SPAG16: variants seen among roughly 807,000 people sequenced by gnomAD.
The protein encoded by SPAG16 is sperm-associated antigen 16 protein.
SPAG16 carries 86 observed loss-of-function variants against 80.4 expected under a neutral mutation model. The observed-to-expected ratio is 1.07, with a 90% CI of 0.90 to 1.28. The LOEUF is 1.28. Among genes scored for constraint, SPAG16 ranks in the 50% most tolerant of loss-of-function variants. The probability of loss-of-function intolerance (pLI) is 0.00; values close to 1 mark genes in which losing one functional copy is unlikely to be tolerated. For synonymous variants in SPAG16, 294 were observed against 265.9 expected (o/e 1.11, Z -1.03); for missense variants, 870 against 765.3 (o/e 1.14, Z -1.61).
At position 214,251,361 on chromosome 2, in the gene SPAG16, A is replaced by G. The variant is rs145553121; in HGVS notation, c.1720+102095A>G. 8.1e-4 allele frequency among the ~76,000 whole-genome samples: 123 copies of G among 152,200 alleles called. 2 individuals are homozygous for G. In the Middle Eastern group the frequency reaches 0.01, roughly 13 times the overall value. ...AAAGTAATAATAATAGGCAAAAGAT[A>G]AAGACTAGAAGAACTGAGGGTTTGC... On this transcript the variant is annotated intron_variant, in intron 15 of 15. Coordinates refer to ENST00000331683, the MANE Select transcript of SPAG16 (RefSeq NM_024532.5).
Position 213,836,676 on chromosome 2 carries a change from G to A in SPAG16, c.1071-25809G>A, listed in dbSNP as rs188099459. On this transcript the variant is annotated intron_variant, in intron 10 of 15. Coordinates refer to ENST00000331683, the MANE Select transcript of SPAG16 (RefSeq NM_024532.5). The stretch of plus-strand genomic sequence containing the variant: ...TGCCCAGGCTGGAGTGCAACGATGA[G>A]ATCTTGGCTCCTGCAACCTCTGCCT... 4.6e-5 allele frequency among the ~76,000 whole-genome samples: 7 copies of A among 151,742 alleles called. No individual in the cohort carries two copies. The East Asian group carries it at 1.2e-3, about 25-fold the overall frequency.
At chr2:214,350,134 G>A (rs1231477977) in intron 15 of SPAG16, among the ~76,000 whole-genome samples, 1 of 152,262 alleles carries the variant, frequency 6.6e-6, no homozygotes, top group South Asian at 2.1e-4. Flanking sequence ...ATATCAGCAG[G>A]TTGACCATAA....
chr2:213,811,807 C>A (rs752695633), intron 10 of SPAG16, among the ~76,000 whole-genome samples: 15 of 152,010 alleles, frequency 9.9e-5, no homozygotes, highest in Non-Finnish European at 2.1e-4. Flanking sequence ...GATAAGATTG[C>A]TGAGACAGAT....
At chr2:213,783,463 T>C (rs2070146925) in intron 10 of SPAG16, among the ~76,000 whole-genome samples, 2 of 142,276 alleles carry the variant, frequency 1.4e-5, no homozygotes, top group African/African-American at 2.6e-5. Flanking sequence ...AACACATTGT[T>C]TTACACAATT....
chr2:213,990,117 A>G (rs2046205464), intron 12 of SPAG16, among the ~76,000 whole-genome samples: 2 of 152,096 alleles, frequency 1.3e-5, no homozygotes, highest in South Asian at 4.1e-4. Flanking sequence ...ACATTTCTAC[A>G]TCTTTATTTG....
chr2:214,238,041 G>C, intron 15 of SPAG16: 1 of 258,756 alleles, frequency 3.9e-6, no homozygotes, highest in South Asian at 3.7e-5. Flanking sequence ...TTATGCTGCA[G>C]AAATTTATTT....
At chr2:213,424,286 G>A (rs951211078) in intron 9 of SPAG16, among the ~76,000 whole-genome samples, 1 of 152,158 alleles carries the variant, frequency 6.6e-6, no homozygotes, top group Non-Finnish European at 1.5e-5. Flanking sequence ...ATTGTTATTA[G>A]AAGGATTAGA....
chr2:213,537,732 G>GT (rs1242486815), intron 10 of SPAG16, among the ~76,000 whole-genome samples: 1 of 152,064 alleles, frequency 6.6e-6, no homozygotes, highest in South Asian at 2.1e-4. Flanking sequence ...TTGTGCTTGT[G>GT]TTTTTTCTGC....
intron 15 of SPAG16, among the ~76,000 whole-genome samples, chr2:214,233,371 G>C (rs1688844296): frequency 6.6e-6 from 1 of 151,694 alleles, no homozygotes; most frequent in South Asian, 2.1e-4. Flanking sequence ...TGATGATGAT[G>C]ATGATGATGA....
intron 9 of SPAG16, among the ~76,000 whole-genome samples, chr2:213,439,674 TG>T (rs1408473009): frequency 6.6e-6 from 1 of 152,240 alleles, no homozygotes; most frequent in Non-Finnish European, 1.5e-5. Flanking sequence ...GAAGTCTGCA[TG>T]GTTTTGAAAA....
Position 213,983,201 on chromosome 2 carries a change from T to C in SPAG16, c.1401-30750T>C, listed in dbSNP as rs140567315. 9.9e-5 allele frequency among the ~76,000 whole-genome samples: 15 copies of C among 152,138 alleles called. No homozygotes were observed. The East Asian group carries it at 2.9e-3, about 29-fold the overall frequency. ...TGCAGTACCCTGTTTTACAAATATA[T>C]GATTGATAACATTATTTGGAAATGC... is the stretch of plus-strand genomic sequence containing the variant. On this transcript the variant is annotated intron_variant, in intron 12 of 15. Transcript: ENST00000331683.
intron 14 of SPAG16, among the ~76,000 whole-genome samples, chr2:214,115,784 AG>A (rs2053901310): frequency 6.7e-6 from 1 of 148,838 alleles, no homozygotes. Context: ...AGGCTGAGGC[AG>A]GGGAATTGCT....
intron 15 of SPAG16, among the ~76,000 whole-genome samples, chr2:214,360,347 C>T (rs1452752467): frequency 6.6e-6 from 1 of 151,830 alleles, no homozygotes; most frequent in Non-Finnish European, 1.5e-5. Flanking sequence ...TAGCTATACT[C>T]AGTCTGGGTG....
intron 13 of SPAG16, among the ~76,000 whole-genome samples, chr2:214,086,063 C>A (rs1448901558): frequency 6.6e-6 from 1 of 152,122 alleles, no homozygotes; most frequent in Admixed American, 6.6e-5. Context: ...TTTCTTTATG[C>A]TTTCATGAAA....
intron 10 of SPAG16, among the ~76,000 whole-genome samples, chr2:213,736,625 A>T (rs1315356749): frequency 6.6e-6 from 1 of 152,128 alleles, no homozygotes; most frequent in Non-Finnish European, 1.5e-5. Context: ...AAAAATAGAG[A>T]TCTTAATACC....
chr2:213,595,149 T>C (rs949045861), intron 10 of SPAG16, among the ~76,000 whole-genome samples: 1 of 152,050 alleles, frequency 6.6e-6, no homozygotes, highest in African/African-American at 2.4e-5. Context: ...AGAAGCATGA[T>C]ATAATTTAAC....
At chr2:214,362,443 T>C (rs1311092009) in intron 15 of SPAG16, among the ~76,000 whole-genome samples, 1 of 151,934 alleles carries the variant, frequency 6.6e-6, no homozygotes, top group African/African-American at 2.4e-5. Flanking sequence ...ATAATGAACG[T>C]ATATCAGTAT....
chr2:213,762,197 G>A (rs964257479), intron 10 of SPAG16, among the ~76,000 whole-genome samples: 2 of 152,176 alleles, frequency 1.3e-5, no homozygotes, highest in Non-Finnish European at 2.9e-5. Flanking sequence ...TGGCTTCCAG[G>A]GACTGGGAGG....
At chr2:213,996,093 T>C (rs2046502752) in intron 12 of SPAG16, among the ~76,000 whole-genome samples, 1 of 152,144 alleles carries the variant, frequency 6.6e-6, no homozygotes, top group South Asian at 2.1e-4. Flanking sequence ...CATCCAATAT[T>C]CCAGAGGCAA....
Sources: gnomAD v4.1 joint callset for allele counts (sites outside exome capture counted in the v4.1 genomes callset) on GRCh38, gnomAD v4.1.1 for gene constraint, MANE v1.5 for transcripts, NCBI Gene and HGNC (gene_info 2026-07-23, HGNC 2026-07-21) for gene names.